The following ADIPOR2 variants were observed in gnomAD, a reference collection of about 807,000 sequenced individuals.
The protein encoded by ADIPOR2 is adiponectin receptor protein 2.
In ADIPOR2, 18 loss-of-function variants were observed where a neutral mutation model predicts 40.9. The observed-to-expected ratio is 0.44, with a 90% confidence interval of 0.30 to 0.65. The LOEUF is 0.65. ADIPOR2 is among the 30% of genes least tolerant of loss of function. The probability of loss-of-function intolerance (pLI) is 0.09; values close to 1 mark genes in which losing one functional copy is unlikely to be tolerated. For missense variants in ADIPOR2, 283 were observed against 479.2 expected, an observed-to-expected ratio of 0.59 and a Z score of 3.82; for synonymous variants, 165 against 166.4, an observed-to-expected ratio of 0.99 and a Z score of 0.06.
intron 1 of ADIPOR2, among the ~76,000 whole-genome samples, chr12:1,707,890 T>A (rs918429705): frequency 6.6e-6 from 1 of 152,222 alleles, no homozygotes; most frequent in African/African-American, 2.4e-5. Context: ...TTAAAAAAGC[T>A]TTTAAAAATT....
intron 1 of ADIPOR2, among the ~76,000 whole-genome samples, chr12:1,738,031 T>G (rs916601622): frequency 1.3e-5 from 2 of 151,972 alleles, no homozygotes; most frequent in Non-Finnish European, 2.9e-5. Flanking sequence ...TACCACTACT[T>G]GATTTGATTT....
rs530371438 is a variant in ADIPOR2, at chr12:1,699,800, T to A, written c.-87+8609T>A. On this transcript the variant is annotated intron_variant, in intron 1 of 7. Coordinates refer to ENST00000357103, the MANE Select transcript of ADIPOR2 (RefSeq NM_024551.3). ...GCCTATTTTATAAGTACATTTGGTA[T>A]TTAGAAATTGGAAGTTGAGGAATTT... is the stretch of plus-strand genomic sequence containing the variant. Among the ~76,000 whole-genome samples, 27 of 152,362 alleles carry A rather than the reference T, an allele frequency of 1.8e-4. No individual in the cohort carries two copies. The South Asian group carries it at 5.6e-3, about 32-fold the overall frequency.
intron 1 of ADIPOR2, among the ~76,000 whole-genome samples, chr12:1,742,237 T>C (rs2094744479): frequency 6.6e-6 from 1 of 152,180 alleles, no homozygotes; most frequent in Non-Finnish European, 1.5e-5. Flanking sequence ...GGACTGCAGG[T>C]GCACACCACC....
At chr12:1,768,929 T>A (rs1396076272) in intron 2 of ADIPOR2, among the ~76,000 whole-genome samples, 1 of 152,256 alleles carries the variant, frequency 6.6e-6, no homozygotes, top group African/African-American at 2.4e-5. Flanking sequence ...GAATTAAGTT[T>A]TATGCCTTTA....
intron 1 of ADIPOR2, among the ~76,000 whole-genome samples, chr12:1,692,220 G>A (rs2094628614): frequency 6.6e-6 from 1 of 151,794 alleles, no homozygotes; most frequent in South Asian, 2.1e-4. Context: ...TCAGAAAAAA[G>A]CATCCATCTA....
At chr12:1,769,148 A>G (rs183938368) in intron 2 of ADIPOR2, among the ~76,000 whole-genome samples, 99 of 152,368 alleles carry the variant, frequency 6.5e-4, no homozygotes, top group African/African-American at 2.1e-3. Flanking sequence ...TAGTAATTTC[A>G]CTCATAATAA....
At chr12:1,702,770 G>T (rs2094653048) in intron 1 of ADIPOR2, 1 of 152,198 alleles carries the variant, frequency 6.6e-6, no homozygotes, top group African/African-American at 2.4e-5. Flanking sequence ...AAATAGAAAT[G>T]ATTATTATAA....
intron 1 of ADIPOR2, among the ~76,000 whole-genome samples, chr12:1,738,800 C>G (rs918938422): frequency 6.6e-6 from 1 of 152,134 alleles, no homozygotes; most frequent in African/African-American, 2.4e-5. Context: ...ATATTTTTCT[C>G]TGTTGTGACT....
intron 1 of ADIPOR2, among the ~76,000 whole-genome samples, chr12:1,727,595 C>T (rs969045419): frequency 7.2e-5 from 11 of 152,140 alleles, no homozygotes; most frequent in African/African-American, 2.2e-4. Flanking sequence ...ACCCACAGCC[C>T]CTGCCTCTCC....
intron 2 of ADIPOR2, among the ~76,000 whole-genome samples, chr12:1,763,262 T>C (rs562330979): frequency 5.6e-4 from 86 of 152,352 alleles, no homozygotes; most frequent in African/African-American, 2.0e-3. Context: ...CACTTAATGA[T>C]GGAGAGCCAG....
intron 1 of ADIPOR2, among the ~76,000 whole-genome samples, chr12:1,746,906 G>A (rs1477807380): frequency 6.6e-6 from 1 of 152,080 alleles, no homozygotes; most frequent in Non-Finnish European, 1.5e-5. Flanking sequence ...TTGCACCCCT[G>A]TTGTCCCAGC....
At chr12:1,739,074 A>G (rs1240533270) in intron 1 of ADIPOR2, among the ~76,000 whole-genome samples, 2 of 152,236 alleles carry the variant, frequency 1.3e-5, no homozygotes, top group Non-Finnish European at 2.9e-5. Flanking sequence ...TTAGAGGGGC[A>G]GTAGTACAGT....
At position 1,715,270 on chromosome 12, in the gene ADIPOR2, A is replaced by G. The variant is rs369683795; in HGVS notation, c.-87+24079A>G. Among the ~76,000 whole-genome samples the G allele has an allele frequency of 2.4e-4, 37 of 152,200 alleles. 1 individual carries two copies. The East Asian group carries it at 2.7e-3, about 11-fold the overall frequency. On this transcript the variant is annotated intron_variant, in intron 1 of 7. Coordinates refer to ENST00000357103, the MANE Select transcript of ADIPOR2 (RefSeq NM_024551.3). ...GTCTTCCCTCTTACAGAAAAGGTCA[A>G]GCTGCAGGATAGTATTGTAATTTAT...
At chr12:1,702,325 A>G (rs2094652065) in intron 1 of ADIPOR2, among the ~76,000 whole-genome samples, 1 of 152,200 alleles carries the variant, frequency 6.6e-6, no homozygotes, top group Non-Finnish European at 1.5e-5. Context: ...CAGAAGTGCA[A>G]TTATTGGGCT....
rs115032107 is a variant in ADIPOR2 at position 1,746,772 on chromosome 12, A to G, written c.-86-7486A>G. On this transcript the variant is annotated intron_variant, in intron 1 of 7. Transcript: ENST00000357103. ...ATTATAGGCATGGTGGCTCACGCCT[A>G]TAATCCTAACATTTTACGAGACTGA... is the stretch of plus-strand genomic sequence containing the variant. Among the ~76,000 whole-genome samples the G allele has an allele frequency of 9.6e-3, 1,460 of 152,354 alleles. 33 individuals are homozygous for G. The highest frequency in any genetic ancestry group is 0.034 in the African/African-American group (1,401 of 41,588).
chr12:1,766,593 T>C (rs1428175786), intron 2 of ADIPOR2, among the ~76,000 whole-genome samples: 1 of 152,236 alleles, frequency 6.6e-6, no homozygotes, highest in Non-Finnish European at 1.5e-5. Context: ...CTATATTTGC[T>C]AAAGTATATA....
intron 2 of ADIPOR2, among the ~76,000 whole-genome samples, 186 bp downstream of exon 2, chr12:1,754,700 T>TACTACC: frequency 7.2e-5 from 1 of 13,868 alleles, no homozygotes; most frequent in South Asian, 4.2e-3. Flanking sequence ...TTATTATTAT[T>TACTACC]ACTACTACTA....
At chr12:1,735,121 A>G (rs922994322) in intron 1 of ADIPOR2, among the ~76,000 whole-genome samples, 2 of 152,122 alleles carry the variant, frequency 1.3e-5, no homozygotes, top group African/African-American at 4.8e-5. Context: ...GTTTTTTCGA[A>G]TTCTGTGAAG....
At chr12:1,742,490 A>G (rs981436720) in intron 1 of ADIPOR2, among the ~76,000 whole-genome samples, 1 of 152,256 alleles carries the variant, frequency 6.6e-6, no homozygotes, top group African/African-American at 2.4e-5. Flanking sequence ...GAGCGAGAGC[A>G]TTCAGAGATG....
Sources: gnomAD v4.1 joint callset for allele counts (sites outside exome capture counted in the v4.1 genomes callset) on GRCh38, gnomAD v4.1.1 for gene constraint, MANE v1.5 for transcripts, NCBI Gene and HGNC (gene_info 2026-07-23, HGNC 2026-07-21) for gene names.